The following KLHL1 variants were observed in gnomAD, a reference collection of about 807,000 sequenced individuals.
KLHL1 encodes the protein kelch like family member 1, also known as kelch-like protein 1.
A neutral mutation model predicts 77.7 loss-of-function variants in KLHL1; 47 were observed. The observed-to-expected ratio is 0.60, with a 90% CI of 0.48 to 0.77. KLHL1 has a LOEUF of 0.77. Among genes scored for constraint, KLHL1 ranks in the 30% least tolerant of loss-of-function variants. The probability of loss-of-function intolerance (pLI) is 0.00; values close to 1 mark genes in which losing one functional copy is unlikely to be tolerated. For missense variants in KLHL1, 925 were observed against 910.8 expected, an observed-to-expected ratio of 1.02 and a Z score of -0.20; for synonymous variants, 360 against 325.2, an observed-to-expected ratio of 1.11 and a Z score of -1.15.
chr13:69,757,996 G>A (rs1874843075), intron 7 of KLHL1, among the ~76,000 whole-genome samples: 1 of 146,874 alleles, frequency 6.8e-6, no homozygotes, highest in South Asian at 2.1e-4. Context: ...ACAGGCCATT[G>A]CAATAACTAT....
At chr13:70,067,920 T>A (rs911136912) in intron 1 of KLHL1, among the ~76,000 whole-genome samples, 1 of 152,070 alleles carries the variant, frequency 6.6e-6, no homozygotes, top group Non-Finnish European at 1.5e-5. Context: ...AATTATCACC[T>A]CACAAAGTCT....
chr13:70,002,803 T>C (rs1451532858), intron 1 of KLHL1, among the ~76,000 whole-genome samples: 2 of 151,630 alleles, frequency 1.3e-5, no homozygotes, highest in African/African-American at 4.8e-5. Flanking sequence ...TATTAACAAG[T>C]AGAAGAAAAA....
intron 1 of KLHL1, among the ~76,000 whole-genome samples, chr13:70,052,774 A>C (rs1232838781): frequency 6.6e-6 from 1 of 151,974 alleles, no homozygotes; most frequent in Non-Finnish European, 1.5e-5. Context: ...GTTAATTTCA[A>C]CATAATTAGG....
intron 6 of KLHL1, among the ~76,000 whole-genome samples, chr13:69,802,305 TA>T (rs1235980885): frequency 3.3e-5 from 5 of 152,184 alleles, no homozygotes; most frequent in African/African-American, 1.2e-4. Context: ...TTTGCTATTG[TA>T]AATGGCGCTG....
intron 7 of KLHL1, among the ~76,000 whole-genome samples, chr13:69,771,877 G>C (rs1171981686): frequency 6.6e-6 from 1 of 152,120 alleles, no homozygotes; most frequent in African/African-American, 2.4e-5. Context: ...CTTCAAAATA[G>C]CAAATACCAC....
chr13:69,953,540 T>C (rs889482357), intron 3 of KLHL1, among the ~76,000 whole-genome samples: 1 of 151,162 alleles, frequency 6.6e-6, no homozygotes, highest in African/African-American at 2.4e-5. Flanking sequence ...ATGCCATTTC[T>C]GTATCTGACA....
chr13:69,746,569 C>A (rs1227698051), intron 7 of KLHL1, among the ~76,000 whole-genome samples: 1 of 151,862 alleles, frequency 6.6e-6, no homozygotes, highest in African/African-American at 2.4e-5. Context: ...TTATTTGATA[C>A]AATTTTAATA....
At chr13:69,822,245 C>T (rs114702612) in intron 6 of KLHL1, among the ~76,000 whole-genome samples, 2,171 of 150,492 alleles carry the variant, frequency 0.014, 54 homozygotes, top group African/African-American at 0.049. Context: ...AGTAGCCACT[C>T]AATGAATATT....
chr13:69,717,273 C>A (rs1160348761), intron 9 of KLHL1, among the ~76,000 whole-genome samples: 1 of 152,078 alleles, frequency 6.6e-6, no homozygotes, highest in African/African-American at 2.4e-5. Context: ...TACTACAGAA[C>A]ATTTTTACAG....
chr13:70,103,264 T>C (rs1378484938), intron 1 of KLHL1, among the ~76,000 whole-genome samples: 1 of 152,052 alleles, frequency 6.6e-6, no homozygotes, highest in African/African-American at 2.4e-5. Context: ...GGATATTAAG[T>C]CTGGAAAACA....
At chr13:69,897,837 T>A (rs1881703218) in intron 4 of KLHL1, among the ~76,000 whole-genome samples, 1 of 152,178 alleles carries the variant, frequency 6.6e-6, no homozygotes, top group African/African-American at 2.4e-5. Flanking sequence ...AGTATAAGAA[T>A]AGCAGATGAT....
chr13:69,815,267 A>G (rs1192612146), intron 6 of KLHL1, among the ~76,000 whole-genome samples: 1 of 152,218 alleles, frequency 6.6e-6, no homozygotes. Context: ...TGTTTACTGC[A>G]GCACTATTCG....
At chr13:70,106,293 T>C (rs982825984) in intron 1 of KLHL1, among the ~76,000 whole-genome samples, 2 of 152,098 alleles carry the variant, frequency 1.3e-5, no homozygotes, top group Non-Finnish European at 2.9e-5. Context: ...AATAATGTAT[T>C]CTGATATCAC....
chr13:69,861,281 C>A (rs1403675228), intron 5 of KLHL1, among the ~76,000 whole-genome samples: 1 of 152,016 alleles, frequency 6.6e-6, no homozygotes, highest in Non-Finnish European at 1.5e-5. Flanking sequence ...CTTTCCTTAG[C>A]CCTTCCCTCT....
At chr13:69,882,690 A>G (rs1881047346) in intron 4 of KLHL1, among the ~76,000 whole-genome samples, 195 bp from the exon 5 acceptor site, 1 of 152,194 alleles carries the variant, frequency 6.6e-6, no homozygotes, top group Non-Finnish European at 1.5e-5. Flanking sequence ...TGTATCCCAG[A>G]CAGCACAGAT....
intron 1 of KLHL1, among the ~76,000 whole-genome samples, chr13:70,043,028 ACTGAGTAG>A (rs557996542): frequency 1.4e-3 from 220 of 152,244 alleles, no homozygotes; most frequent in African/African-American, 4.9e-3. Flanking sequence ...GTATCAGCCT[ACTGAGTAG>A]CTGGGATTAT....
chr13:69,715,360 C>T (rs961119196), intron 9 of KLHL1, among the ~76,000 whole-genome samples: 1 of 152,020 alleles, frequency 6.6e-6, no homozygotes, highest in Admixed American at 6.6e-5. Context: ...GGTTTTATAA[C>T]TGTTTGGCAA....
intron 7 of KLHL1, among the ~76,000 whole-genome samples, chr13:69,779,002 GTTA>G (rs1392405982): frequency 6.6e-6 from 1 of 151,968 alleles, no homozygotes; most frequent in Non-Finnish European, 1.5e-5. Flanking sequence ...GTTTCACCCT[GTTA>G]GTCAGGATGG....
intron 4 of KLHL1, among the ~76,000 whole-genome samples, chr13:69,889,632 C>T (rs940028053): frequency 4.6e-5 from 7 of 151,930 alleles, no homozygotes; most frequent in African/African-American, 1.4e-4. Context: ...ATTTCTGGGT[C>T]GCACAATATG....
Sources: allele counts gnomAD v4.1 joint callset (sites outside exome capture counted in the v4.1 genomes callset), GRCh38; gene constraint gnomAD v4.1.1; transcripts MANE v1.5; gene names NCBI Gene and HGNC (gene_info 2026-07-23, HGNC 2026-07-21).